Variants in NEURL1 observed in about 807,000 individuals in gnomAD.
NEURL1 encodes neuralized E3 ubiquitin protein ligase 1.
In NEURL1, 26 loss-of-function variants were observed where a neutral mutation model predicts 41.2. The observed-to-expected ratio is 0.63, with a 90% CI of 0.46 to 0.87. The LOEUF is 0.87. Ranked by LOEUF, NEURL1 falls within the 40% of genes least tolerant of loss-of-function variation. The pLI is 0.00. For synonymous variants in NEURL1, 400 were observed against 402.3 expected, an observed-to-expected ratio of 0.99 and a Z score of 0.07; for missense variants, 761 against 871.1, an observed-to-expected ratio of 0.87 and a Z score of 1.59.
At position 103,590,591 on chromosome 10, in the gene NEURL1, G is replaced by C. The variant is rs1341031692; in HGVS notation, c.*219G>C. ...ACCGGGCAGAGGGAGGGGAGGAGAG[G>C]AGGCCGCACTCTCCCTGTCTCTCCC... On this transcript the variant is annotated 3_prime_UTR_variant, in exon 6 of 6. Coordinates refer to ENST00000369780, the MANE Select transcript of NEURL1 (RefSeq NM_004210.5). The C allele has an allele frequency of 1.7e-6, 1 of 583,726 alleles. No individual in the cohort carries two copies. The highest frequency in any genetic ancestry group is 3.1e-6 in the Non-Finnish European group (1 of 326,926). 36.2% of individuals were successfully genotyped at this position (583,726 alleles called of 1,614,324 possible). A position where few individuals can be genotyped will look rare whatever the true frequency, so the allele number is the denominator to read the frequency against.
At chr10:103,546,002 A>G (rs1333976080) in intron 1 of NEURL1, among the ~76,000 whole-genome samples, 1 of 152,154 alleles carries the variant, frequency 6.6e-6, no homozygotes, top group Admixed American at 6.5e-5. Flanking sequence ...TTGGGATCAA[A>G]TTTCACTTTT....
chr10:103,555,870 A>T (rs2035142319), intron 1 of NEURL1, among the ~76,000 whole-genome samples: 2 of 152,196 alleles, frequency 1.3e-5, no homozygotes, highest in South Asian at 4.2e-4. Flanking sequence ...TGGGCCTTGG[A>T]GATGGTGCTG....
intron 5 of NEURL1, among the ~76,000 whole-genome samples, chr10:103,589,931 C>G (rs952420300): frequency 6.6e-6 from 1 of 152,234 alleles, no homozygotes; most frequent in Non-Finnish European, 1.5e-5. Flanking sequence ...ACTCTGTCCC[C>G]TCATCTGGGG....
In NEURL1 at chr10:103,545,289, G is replaced by A. The variant is rs1023584415; in HGVS notation, c.86-25583G>A. Among the ~76,000 whole-genome samples the A allele has an allele frequency of 2.0e-5, 3 of 152,236 alleles. No individual in the cohort carries two copies. Among genetic ancestry groups the A allele is most frequent in the Non-Finnish European group, 4.4e-5 (3 of 68,050 alleles). The stretch of plus-strand genomic sequence containing the variant: ...TGGCCACACCTGAACTCTGGCTCAG[G>A]AGGGTGGGGCAGCCAGCCCTGAGCC... On this transcript the variant is annotated intron_variant, in intron 1 of 5. Transcript: ENST00000369780. The surrounding 1 kb of genome is among the most constrained non-coding windows in gnomAD (Gnocchi z 4.5).
At chr10:103,544,219 G>A (rs2034881271) in intron 1 of NEURL1, among the ~76,000 whole-genome samples, 1 of 152,180 alleles carries the variant, frequency 6.6e-6, no homozygotes, top group Admixed American at 6.5e-5. Flanking sequence ...GGGGAATCTG[G>A]GCTGACACCA....
In NEURL1 at chr10:103,566,711, T is replaced by TG. The variant is rs2035431693; in HGVS notation, c.86-4159dup. On this transcript the variant is annotated intron_variant, in intron 1 of 5. Coordinates refer to ENST00000369780, the MANE Select transcript of NEURL1 (RefSeq NM_004210.5). This position sits in a 1 kb window ranked among gnomAD's most constrained non-coding sequence, Gnocchi z 4.2. ...TTTTCATTTCTTGTGGGGAAATGCC[T>TG]GGAAGTGTGATGCTGGGACATATGT... 6.6e-6 allele frequency among the ~76,000 whole-genome samples: 1 copy of TG among 152,172 alleles called. No homozygotes were observed. The highest frequency in any genetic ancestry group is 2.4e-5 in the African/African-American group (1 of 41,430).
At chr10:103,524,656 T>C (rs1449899939) in intron 1 of NEURL1, among the ~76,000 whole-genome samples, 1 of 152,260 alleles carries the variant, frequency 6.6e-6, no homozygotes, top group East Asian at 1.9e-4. Context: ...TTCATTTTTC[T>C]GCATATGGAT....
chr10:103,573,852 C>A (rs546254375), intron 3 of NEURL1, among the ~76,000 whole-genome samples: 11 of 152,348 alleles, frequency 7.2e-5, no homozygotes, highest in Admixed American at 5.9e-4. Context: ...CCCAAAGCCC[C>A]CTCCCTCCCT....
intron 1 of NEURL1, among the ~76,000 whole-genome samples, chr10:103,554,787 G>C (rs1413550406): frequency 6.6e-6 from 1 of 152,202 alleles, no homozygotes; most frequent in Admixed American, 6.5e-5. Context: ...AGCTCCATCA[G>C]CTTGATTGTG....
At chr10:103,497,276 G>T (rs2033707503) in intron 1 of NEURL1, among the ~76,000 whole-genome samples, 1 of 152,200 alleles carries the variant, frequency 6.6e-6, no homozygotes, top group African/African-American at 2.4e-5. Flanking sequence ...CATTCTAATT[G>T]TGTTGGTGTT....
intron 3 of NEURL1, among the ~76,000 whole-genome samples, chr10:103,579,684 G>A (rs1564830419): frequency 6.6e-6 from 1 of 152,220 alleles, no homozygotes; most frequent in Non-Finnish European, 1.5e-5. Flanking sequence ...GCTCACACCT[G>A]TAATCTCAGC....
intron 1 of NEURL1, among the ~76,000 whole-genome samples, chr10:103,563,648 A>C (rs1241552486): frequency 6.6e-6 from 1 of 152,150 alleles, no homozygotes. Context: ...GGGGATAGGA[A>C]AGCAGAATGA....
intron 1 of NEURL1, among the ~76,000 whole-genome samples, chr10:103,501,618 T>TTTATTATTATTATTATTA (rs58396329): frequency 0.073 from 10,440 of 142,462 alleles, 457 homozygotes; most frequent in Middle Eastern, 0.13. Flanking sequence ...TCCCACTTTA[T>TTTATTATTATTATTATTA]TTATTATTAT....
chr10:103,532,726 T>C (rs1037369374), intron 1 of NEURL1, among the ~76,000 whole-genome samples: 13 of 151,964 alleles, frequency 8.6e-5, no homozygotes, highest in African/African-American at 3.1e-4. Flanking sequence ...GGAGGCTTTC[T>C]CTGTGAACTT....
chr10:103,576,315 G>C (rs1190250643), intron 3 of NEURL1, among the ~76,000 whole-genome samples: 1 of 112,256 alleles, frequency 8.9e-6, no homozygotes, highest in African/African-American at 2.6e-5. Flanking sequence ...AGGTCAGACA[G>C]GGGGGTGTCC....
chr10:103,585,202 C>T lies in NEURL1; in HGVS notation c.1316C>T (p.Thr439Ile). Residue 439 changes from threonine (T) to isoleucine (I), a missense_variant, in exon 4 of 6, where the codon ACC (threonine) becomes ATC (isoleucine). Physicochemically the swap from Thr to Ile is moderately conservative, Grantham distance 89. Around this residue, in one of 5 missense-constraint regions of NEURL1, gnomAD observed 443 missense variants for 408.1 expected, o/e 1.09. Coordinates refer to ENST00000369780, the MANE Select transcript of NEURL1 (RefSeq NM_004210.5). ...TGGATGCTCTTCGGCCTGCACGGGA[C>T]CATCACGCAGATCCGCATCCTCGGT... ...PLWMLFGLHG[T>I]ITQIRILGST... The T allele has an allele frequency of 6.4e-7, 1 of 1,558,420 alleles. No homozygotes were observed.
chr10:103,585,292 C>T, intron 4 of NEURL1, 67 bp downstream of exon 4: 1 of 1,331,764 alleles, frequency 7.5e-7, no homozygotes, highest in African/African-American at 1.5e-5. Context: ...GGGTAGGAGA[C>T]AAAGGGCGAG....
intron 1 of NEURL1, among the ~76,000 whole-genome samples, chr10:103,535,501 G>C (rs933057742): frequency 1.3e-5 from 2 of 152,098 alleles, no homozygotes. Flanking sequence ...GACTGTCCTC[G>C]GCAGCCCAGG....
intron 1 of NEURL1, among the ~76,000 whole-genome samples, chr10:103,532,706 T>C (rs941708012): frequency 6.6e-6 from 1 of 151,994 alleles, no homozygotes; most frequent in African/African-American, 2.4e-5. Flanking sequence ...CTTTTTTTTT[T>C]CCTTTTTTTG....
Sources: allele counts gnomAD v4.1 joint callset (sites outside exome capture counted in the v4.1 genomes callset), GRCh38; gene constraint gnomAD v4.1.1; regional missense constraint gnomAD v4.1.1; non-coding constraint Gnocchi (gnomAD v3.1); transcripts MANE v1.5; gene names NCBI Gene and HGNC (gene_info 2026-07-23, HGNC 2026-07-21).